SEMA5A: variants seen among roughly 807,000 people sequenced by gnomAD.
The protein encoded by SEMA5A is semaphorin 5A, also known as semaphorin-5A.
SEMA5A carries 55 observed loss-of-function variants against 135.5 expected under a neutral mutation model. That is an observed-to-expected ratio of 0.41 (90% CI 0.33 to 0.51). The LOEUF (loss-of-function observed/expected upper bound fraction) is 0.51, where lower values mean the gene tolerates loss of function less well. Ranked by LOEUF, SEMA5A falls within the 20% of genes least tolerant of loss-of-function variation. The pLI, the probability that SEMA5A is intolerant of heterozygous loss-of-function variation, is 0.37. For synonymous variants in SEMA5A, 580 were observed against 546.5 expected (o/e 1.06, Z -0.85); for missense variants, 1,290 against 1,419.9 (o/e 0.91, Z 1.47).
At chr5:9,496,238 T>C (rs905228992) in intron 1 of SEMA5A, among the ~76,000 whole-genome samples, 1 of 152,024 alleles carries the variant, frequency 6.6e-6, no homozygotes, top group African/African-American at 2.4e-5. Flanking sequence ...AGAGATGGGG[T>C]TTCACCATGT....
At chr5:9,197,470 C>A (rs929669452) in intron 9 of SEMA5A, among the ~76,000 whole-genome samples, 167 bp from the exon 10 acceptor site, 1 of 152,176 alleles carries the variant, frequency 6.6e-6, no homozygotes, top group African/African-American at 2.4e-5. Context: ...TGGGGCTCCC[C>A]TGTGGAGGAA....
chr5:9,072,722 C>T (rs558389181), intron 16 of SEMA5A, among the ~76,000 whole-genome samples: 1 of 152,200 alleles, frequency 6.6e-6, no homozygotes, highest in Non-Finnish European at 1.5e-5. Flanking sequence ...GCACCAAAAC[C>T]ATCAAACTGT....
chr5:9,326,016 C>A (rs1468894982), intron 4 of SEMA5A, among the ~76,000 whole-genome samples: 1 of 152,166 alleles, frequency 6.6e-6, no homozygotes, highest in Non-Finnish European at 1.5e-5. Context: ...TAGACCAAGG[C>A]TGATCACGAA....
intron 8 of SEMA5A, among the ~76,000 whole-genome samples, chr5:9,218,255 G>A (rs1746740661): frequency 6.6e-6 from 1 of 152,078 alleles, no homozygotes; most frequent in Non-Finnish European, 1.5e-5. Flanking sequence ...ATTGTTTTGA[G>A]CTACCCTGTT....
chr5:9,454,172 C>T (rs949294412), intron 1 of SEMA5A, among the ~76,000 whole-genome samples: 5 of 152,156 alleles, frequency 3.3e-5, no homozygotes, highest in African/African-American at 4.8e-5. Context: ...GCATCAGGGA[C>T]GACAGGCTGG....
chr5:9,119,002 C>T lies in SEMA5A; in HGVS notation c.1921G>A (p.Glu641Lys), dbSNP rs1418487741. The T allele has an allele frequency of 6.2e-7, 1 of 1,612,906 alleles. No homozygotes were observed. The highest frequency in any genetic ancestry group is 1.7e-5 in the Admixed American group (1 of 59,924). ...GGCAGCAGGGTGGGCACGTACCTTT[C>T]CTCGCGGTTCTGTCCCACGCACACC... ...GRVCVGQNREERYCNEHLLCP... is the reference protein window; with the variant it reads ...GRVCVGQNREKRYCNEHLLCP... Residue 641 changes from glutamate (E) to lysine (K), a missense_variant, in exon 15 of 23, where the codon GAA (glutamate) becomes AAA (lysine). Physicochemically the swap from Glu to Lys is moderately conservative, Grantham distance 56. Around this residue, in one of 3 missense-constraint regions of SEMA5A, gnomAD observed 1,029 missense variants for 1,086.6 expected, o/e 0.95. Coordinates refer to ENST00000382496, the MANE Select transcript of SEMA5A (RefSeq NM_003966.3).
At chr5:9,331,219 A>C (rs1403021988) in intron 4 of SEMA5A, among the ~76,000 whole-genome samples, 1 of 152,216 alleles carries the variant, frequency 6.6e-6, no homozygotes, top group African/African-American at 2.4e-5. Context: ...TCAAGTAAAA[A>C]TAAGAATTAT....
chr5:9,470,531 G>A (rs1481625326), intron 1 of SEMA5A, among the ~76,000 whole-genome samples: 5 of 152,150 alleles, frequency 3.3e-5, no homozygotes, highest in Non-Finnish European at 7.3e-5. Context: ...ACTCATACAG[G>A]AATTACAGTA....
intron 13 of SEMA5A, 97 bp downstream of exon 13, chr5:9,136,407 A>G: frequency 2.0e-6 from 2 of 1,019,898 alleles, no homozygotes; most frequent in East Asian, 4.9e-5. Context: ...TCTCATATGA[A>G]AAGGTGCAGA....
At chr5:9,207,888 GATAGATAGATAC>G (rs1252890314) in intron 8 of SEMA5A, among the ~76,000 whole-genome samples, 8,861 of 57,704 alleles carry the variant, frequency 0.15, 338 homozygotes, top group African/African-American at 0.22. Flanking sequence ...TAGATAGATA[GATAGATAGATAC>G]ATAGATAGAT....
chr5:9,363,603 A>G (rs1177041939), intron 3 of SEMA5A, among the ~76,000 whole-genome samples: 2 of 152,198 alleles, frequency 1.3e-5, no homozygotes, highest in Admixed American at 6.5e-5. Context: ...AGAATTACAC[A>G]TCCTTTGGGA....
rs1240497491 is a variant in SEMA5A, at chr5:9,516,017, ATC to A, written c.-175+29565_-175+29566del. 2.6e-5 allele frequency among the ~76,000 whole-genome samples: 4 copies of A among 152,186 alleles called. No individual in the cohort carries two copies. In the East Asian group the frequency reaches 7.7e-4, roughly 29 times the overall value. On this transcript the variant is annotated intron_variant, in intron 1 of 22. Coordinates refer to ENST00000382496, the MANE Select transcript of SEMA5A (RefSeq NM_003966.3). ...CATTTGTGAAATCAGTGCAAAAACA[ATC>A]TCTTTTTATTGAACGAAACATAGCC... is the stretch of plus-strand genomic sequence containing the variant.
At chr5:9,503,235 G>A (rs537614814) in intron 1 of SEMA5A, among the ~76,000 whole-genome samples, 3 of 152,338 alleles carry the variant, frequency 2.0e-5, no homozygotes, top group East Asian at 3.9e-4. Context: ...CCCCCCAGGA[G>A]GAAGAGACTT....
intron 2 of SEMA5A, among the ~76,000 whole-genome samples, chr5:9,419,606 A>AC (rs1294010942): frequency 6.6e-6 from 1 of 152,118 alleles, no homozygotes; most frequent in Non-Finnish European, 1.5e-5. Flanking sequence ...TTGTGTGCAA[A>AC]CCTAAGGAGT....
chr5:9,087,583 C>T (rs1046267660), intron 16 of SEMA5A, among the ~76,000 whole-genome samples: 10 of 151,620 alleles, frequency 6.6e-5, no homozygotes, highest in Admixed American at 3.9e-4. Context: ...CTAATGCATG[C>T]TGTACATACA....
chr5:9,371,337 A>T (rs1755126407), intron 3 of SEMA5A, among the ~76,000 whole-genome samples: 1 of 152,120 alleles, frequency 6.6e-6, no homozygotes, highest in African/African-American at 2.4e-5. Context: ...CACAACAGGG[A>T]CCCTCTCAGG....
intron 4 of SEMA5A, among the ~76,000 whole-genome samples, chr5:9,330,369 G>C (rs1309843113): frequency 1.3e-5 from 2 of 148,802 alleles, no homozygotes; most frequent in African/African-American, 5.0e-5. Context: ...CAGCCTGGGC[G>C]ACAGAGCGAG....
chr5:9,038,603 A>G lies in SEMA5A; in HGVS notation c.*4294T>C, dbSNP rs1212127166. On this transcript the variant is annotated 3_prime_UTR_variant, in exon 23 of 23. Transcript: ENST00000382496. ...ATGCTAACAAGGCTGTGTTTAGACAAAACGATTAGCTGAGTATAGACTTGA... is the reference window on the plus strand; with the variant it reads ...ATGCTAACAAGGCTGTGTTTAGACAGAACGATTAGCTGAGTATAGACTTGA... The G allele has an allele frequency of 6.6e-6, 1 of 152,210 alleles. No individual in the cohort carries two copies. The highest frequency in any genetic ancestry group is 1.5e-5 in the Non-Finnish European group (1 of 68,034). The allele number at this position is 152,210 out of a possible 1,614,324, so 9.4% of individuals were successfully genotyped here.
chr5:9,353,085 AAAGGAAAGGAAGG>A (rs1754210696), intron 3 of SEMA5A, among the ~76,000 whole-genome samples: 1 of 13,352 alleles, frequency 7.5e-5, no homozygotes, highest in African/African-American at 2.0e-4. Context: ...AAAGGAAAGG[AAAGGAAAGGAAGG>A]AAGGAAAGGA....
Sources: allele counts gnomAD v4.1 joint callset (sites outside exome capture counted in the v4.1 genomes callset), GRCh38; gene constraint gnomAD v4.1.1; regional missense constraint gnomAD v4.1.1; transcripts MANE v1.5; gene names NCBI Gene and HGNC (gene_info 2026-07-23, HGNC 2026-07-21).